Variants in DNAH10 observed in about 807,000 individuals in gnomAD.
DNAH10 encodes the protein dynein axonemal heavy chain 10, also known as axonemal beta dynein heavy chain 10.
DNAH10 carries 348 observed loss-of-function variants against 506.6 expected under a neutral mutation model. The observed-to-expected ratio is 0.69, with a 90% confidence interval of 0.63 to 0.75. The LOEUF is 0.75. DNAH10 is among the 30% of genes least tolerant of loss of function. The pLI is 0.00. For missense variants in DNAH10, 5,179 were observed against 5,787.1 expected (o/e 0.89, Z 3.41); for synonymous variants, 2,059 against 2,198.6 (o/e 0.94, Z 1.78).
At chr12:123,796,405 C>T (rs561714968) in intron 12 of DNAH10, among the ~76,000 whole-genome samples, 1 of 151,954 alleles carries the variant, frequency 6.6e-6, no homozygotes, top group Non-Finnish European at 1.5e-5. Context: ...TTCAGTGAGC[C>T]GAGATCATGC....
intron 76 of DNAH10, chr12:123,932,479 C>A (rs1172451575): frequency 3.6e-5 from 6 of 164,592 alleles, no homozygotes; most frequent in Non-Finnish European, 4.6e-5. Flanking sequence ...CGGTGGTTAC[C>A]ATTTTTTTTT....
intron 1 of DNAH10, among the ~76,000 whole-genome samples, chr12:123,765,803 C>T (rs1047492005): frequency 1.3e-5 from 2 of 151,770 alleles, no homozygotes; most frequent in Non-Finnish European, 1.5e-5. Context: ...ATACATCTAT[C>T]TACCTACCTA....
chr12:123,799,720 T>G (rs1299412320), intron 14 of DNAH10, among the ~76,000 whole-genome samples: 1 of 152,178 alleles, frequency 6.6e-6, no homozygotes, highest in Non-Finnish European at 1.5e-5. Flanking sequence ...ATCTTTAACC[T>G]GCAGAAAAAT....
At position 123,917,595 on chromosome 12, in the gene DNAH10, G is replaced by T; in HGVS notation, c.11014G>T (p.Gly3672Cys). 6.4e-7 allele frequency: 1 copy of T among 1,551,376 alleles called. No individual in the cohort carries two copies. Among genetic ancestry groups the T allele is most frequent in the East Asian group, 2.4e-5 (1 of 40,920 alleles). ...MVINYTVTLKGLEDQLLSVLV... is the reference protein window; with the variant it reads ...MVINYTVTLKCLEDQLLSVLV... ...ACTGTCCCCCACAGTCACGCTGAAG[G>T]GCCTGGAGGACCAGCTGCTGAGCGT... Residue 3672 changes from glycine (G) to cysteine (C), a missense_variant, in exon 64 of 79, where the codon GGC becomes TGC. By Grantham distance (159) the Gly-to-Cys change is radical. Around this residue, in one of 3 missense-constraint regions of DNAH10, gnomAD observed 4,844 missense variants for 5,430.5 expected, o/e 0.89. Transcript: ENST00000673944. This position sits in a 1 kb window ranked among gnomAD's most constrained non-coding sequence, Gnocchi z 5.6.
chr12:123,866,490 G>T (rs1024553307), intron 41 of DNAH10, among the ~76,000 whole-genome samples: 1 of 151,912 alleles, frequency 6.6e-6, no homozygotes, highest in African/African-American at 2.4e-5. Context: ...TGATCTGCCC[G>T]CCTCAGCCTC....
chr12:123,867,810 G>A (rs1218610079), intron 42 of DNAH10, 93 bp from the exon 43 acceptor site: 26 of 1,397,038 alleles, frequency 1.9e-5, no homozygotes, highest in African/African-American at 1.4e-5. Context: ...TGCTCCCATC[G>A]CTCTGGGACC....
intron 21 of DNAH10, among the ~76,000 whole-genome samples, chr12:123,815,877 G>A (rs1835711326): frequency 6.6e-6 from 1 of 152,106 alleles, no homozygotes; most frequent in South Asian, 2.1e-4. Context: ...AATACTATAA[G>A]CAATGTAATA....
At chr12:123,766,908 CTTT>C (rs374930458) in intron 1 of DNAH10, among the ~76,000 whole-genome samples, 2 of 137,914 alleles carry the variant, frequency 1.5e-5, no homozygotes, top group Non-Finnish European at 3.2e-5. Flanking sequence ...TTTCTTTTTT[CTTT>C]TTTTTTTTTT....
chr12:123,776,761 C>T (rs896579829), intron 5 of DNAH10, among the ~76,000 whole-genome samples: 8 of 152,072 alleles, frequency 5.3e-5, no homozygotes, highest in Non-Finnish European at 1.0e-4. Context: ...TGGAGCTCTG[C>T]GGGGAACTCA....
At position 123,914,974 on chromosome 12, in the gene DNAH10, G is replaced by T; in HGVS notation, c.10697G>T (p.Arg3566Ile). ...PQQQALNWIK[R>I]KEEKNNLRVA... ...CAGCAGGCCCTCAACTGGATCAAGAGAAAAGAGGAGAAGAACAATCTGCGG... is the reference window on the plus strand; with the variant it reads ...CAGCAGGCCCTCAACTGGATCAAGATAAAAGAGGAGAAGAACAATCTGCGG... Residue 3566 changes from arginine to isoleucine, a missense_variant, in exon 62 of 79, where the codon AGA becomes ATA. Arg to Ile is a moderately conservative substitution (Grantham distance 97, BLOSUM62 -3). This residue lies in a region of DNAH10 where 4,844 missense variants were observed against 5,430.5 expected (regional missense o/e 0.89). Coordinates refer to ENST00000673944, the MANE Select transcript of DNAH10 (RefSeq NM_001372106.1). The T allele has an allele frequency of 1.2e-6, 2 of 1,610,082 alleles. No individual in the cohort carries two copies. The highest frequency in any genetic ancestry group is 1.7e-6 in the Non-Finnish European group (2 of 1,178,186).
Position 123,907,758 on chromosome 12 carries a change from G to T in DNAH10, c.9816-1503G>T, listed in dbSNP as rs1345229081. Among the ~76,000 whole-genome samples the T allele has an allele frequency of 6.6e-6, 1 of 152,186 alleles. No individual in the cohort carries two copies. The highest frequency in any genetic ancestry group is 2.4e-5 in the African/African-American group (1 of 41,442). Reference sequence around the variant, plus strand: ...CCACCTGCTTGTTCACAGAGCGGTGGCCGGGGCCTGGTTTCCATCCACCCT... The same window carrying T: ...CCACCTGCTTGTTCACAGAGCGGTGTCCGGGGCCTGGTTTCCATCCACCCT... On this transcript the variant is annotated intron_variant, in intron 57 of 78. Transcript: ENST00000673944. This position sits in a 1 kb window ranked among gnomAD's most constrained non-coding sequence, Gnocchi z 4.4.
At position 123,862,295 on chromosome 12, in the gene DNAH10, A is replaced by G. The variant is rs1951642146; in HGVS notation, c.6908+1125A>G. ...ACCCATTCACCCAATGGTTTGGAGC[A>G]TCTGTTGATGGTTACTTGAATCTGG... On this transcript the variant is annotated intron_variant, in intron 39 of 78. Transcript: ENST00000673944. 2.0e-5 allele frequency among the ~76,000 whole-genome samples: 3 copies of G among 152,160 alleles called. 1 individual carries two copies. The highest frequency in any genetic ancestry group is 4.4e-5 in the Non-Finnish European group (3 of 68,026).
rs369171624 is a variant in DNAH10 at position 123,845,994 on chromosome 12, A to G, written c.5654A>G (p.Asp1885Gly). 11 of 1,613,876 alleles carry G rather than the reference A, an allele frequency of 6.8e-6. No homozygotes were observed. The highest frequency in any genetic ancestry group is 7.6e-6 in the Non-Finnish European group (9 of 1,179,856). The part of the protein sequence containing the change: ...RGSILEAREF[D>G]WESQLRFYWD... ...AGTATCCTGGAGGCCCGAGAGTTTG[A>G]CTGGGAAAGTCAGTTGCGGTTTTAT... The change falls in exon 32 of 79, where the codon GAC (aspartate) becomes GGC (glycine). Residue 1885 changes from aspartate to glycine, a missense_variant. Asp to Gly is a moderately conservative substitution (Grantham distance 94). Transcript: ENST00000673944.
intron 29 of DNAH10, among the ~76,000 whole-genome samples, chr12:123,840,394 GTTTTTTTTT>G (rs71088961): frequency 2.6e-5 from 1 of 37,786 alleles, no homozygotes; most frequent in Admixed American, 3.9e-4. Flanking sequence ...TCTGTTTCCA[GTTTTTTTTT>G]TTTTTTTTTT....
Position 123,813,638 on chromosome 12 carries a change from G to A in DNAH10, c.3619G>A (p.Glu1207Lys), listed in dbSNP as rs200874243. 9 of 1,613,966 alleles carry A rather than the reference G, an allele frequency of 5.6e-6. No homozygotes were observed. The East Asian group carries it at 2.0e-4, about 36-fold the overall frequency. ...GCTCTATAATCTCCATGAAGAGATG[G>A]AGGTACTCAATCGCTGTGTGTAATT... is the stretch of plus-strand genomic sequence containing the variant. Reference protein sequence around the residue: ...EELYNLHEEMEHLAKNLRKIP... With the variant: ...EELYNLHEEMKHLAKNLRKIP... The change falls in exon 20 of 79, where the codon GAG (glutamate) becomes AAG (lysine). Residue 1207 changes from glutamate to lysine, a missense_variant and splice_region_variant. This residue lies in a region of DNAH10 where 4,844 missense variants were observed against 5,430.5 expected (regional missense o/e 0.89). Transcript: ENST00000673944.
chr12:123,851,562 C>T (rs969275838), intron 35 of DNAH10, among the ~76,000 whole-genome samples: 1 of 152,254 alleles, frequency 6.6e-6, no homozygotes, highest in Non-Finnish European at 1.5e-5. Flanking sequence ...TGCCCCTTCC[C>T]CATGAGAACA....
chr12:123,861,999 C>T (rs1321276211), intron 39 of DNAH10, among the ~76,000 whole-genome samples: 1 of 152,140 alleles, frequency 6.6e-6, no homozygotes, highest in Non-Finnish European at 1.5e-5. Context: ...GATTCCAGGC[C>T]AACCGTTTTA....
chr12:123,919,084 TTTTTTTTTTGAGA>T lies in DNAH10; in HGVS notation c.11506+137_11506+149del. On this transcript the variant is annotated intron_variant, in intron 65 of 78. Transcript: ENST00000673944. This position sits in a 1 kb window ranked among gnomAD's most constrained non-coding sequence, Gnocchi z 4.9. ...TTTTTTCTTTCTTTCTTTCTTTTTC[TTTTTTTTTTGAGA>T]TAGGGTCTTGCTCCATCACCCAGGC... 1 of 770,922 alleles carries T rather than the reference TTTTTTTTTTGAGA, an allele frequency of 1.3e-6. No individual in the cohort carries two copies. The highest frequency in any genetic ancestry group is 4.8e-4 in the Middle Eastern group (1 of 2,064). The allele number at this position is 770,922 out of a possible 1,614,324, so 47.8% of individuals were successfully genotyped here.
At chr12:123,840,554 G>A (rs1472112022) in intron 29 of DNAH10, among the ~76,000 whole-genome samples, 2 of 151,880 alleles carry the variant, frequency 1.3e-5, no homozygotes, top group South Asian at 2.1e-4. Context: ...ACAGGCATGA[G>A]CTATTGTGCC....
Sources: allele counts gnomAD v4.1 joint callset (sites outside exome capture counted in the v4.1 genomes callset), GRCh38; gene constraint gnomAD v4.1.1; regional missense constraint gnomAD v4.1.1; non-coding constraint Gnocchi (gnomAD v3.1); transcripts MANE v1.5; gene names NCBI Gene and HGNC (gene_info 2026-07-23, HGNC 2026-07-21).